The following PLEKHA6 variants were observed in gnomAD, a reference collection of about 807,000 sequenced individuals.
The protein encoded by PLEKHA6 is pleckstrin homology domain-containing family A member 6.
In PLEKHA6, 60 loss-of-function variants were observed where a neutral mutation model predicts 116.7. That is an observed-to-expected ratio of 0.51 (90% CI 0.42 to 0.64). The LOEUF (loss-of-function observed/expected upper bound fraction) is 0.64. Ranked by LOEUF, PLEKHA6 falls within the 30% of genes least tolerant of loss-of-function variation. The pLI, the probability that PLEKHA6 is intolerant of heterozygous loss-of-function variation, is 0.00. For synonymous variants in PLEKHA6, 489 were observed against 556.1 expected (o/e 0.88, Z 1.70); for missense variants, 1,338 against 1,422.7 (o/e 0.94, Z 0.96).
intron 1 of PLEKHA6, among the ~76,000 whole-genome samples, chr1:204,350,577 G>A (rs1037333213): frequency 1.3e-5 from 2 of 152,176 alleles, no homozygotes; most frequent in African/African-American, 2.4e-5. Context: ...TGGAAGGAGA[G>A]GAAGGAACCC....
upstream of PLEKHA6, among the ~76,000 whole-genome samples, chr1:204,362,804 A>T (rs920599422): frequency 6.6e-6 from 1 of 152,174 alleles, no homozygotes; most frequent in Non-Finnish European, 1.5e-5. Flanking sequence ...GCCTCAGCCT[A>T]CTGAGTTGCT....
intron 9 of PLEKHA6, among the ~76,000 whole-genome samples, chr1:204,251,304 T>G (rs975965561): frequency 1.3e-5 from 2 of 152,190 alleles, no homozygotes; most frequent in African/African-American, 2.4e-5. Flanking sequence ...CATGAGATGT[T>G]GGTGCTGGCT....
rs200151556 is a variant in PLEKHA6 at position 204,328,629 on chromosome 1, G to A, written c.-95+31065C>T. On this transcript the variant is annotated intron_variant, in intron 1 of 22. Transcript: ENST00000272203. ...TCAAACTCCCGACCTCAGGTGATCC[G>A]TCAGCCTCAGGCTCCCAAAGTGCTG... 1.9e-4 allele frequency among the ~76,000 whole-genome samples: 29 copies of A among 151,972 alleles called. No homozygotes were observed. The East Asian group carries it at 4.3e-3, about 22-fold the overall frequency.
chr1:204,245,127 T>A, intron 14 of PLEKHA6, 124 bp from the exon 15 acceptor site: 1 of 649,862 alleles, frequency 1.5e-6, no homozygotes, highest in Non-Finnish European at 2.4e-6. Context: ...GCAGATTTAG[T>A]GTCTCAGGGC....
intron 3 of PLEKHA6, among the ~76,000 whole-genome samples, chr1:204,366,595 G>T (rs1161977487): frequency 2.0e-5 from 3 of 151,810 alleles, no homozygotes; most frequent in Non-Finnish European, 4.4e-5. Flanking sequence ...ACCCCATCTT[G>T]ACCAAAAATA....
At chr1:204,350,908 C>T (rs565525888) in intron 1 of PLEKHA6, among the ~76,000 whole-genome samples, 3 of 152,328 alleles carry the variant, frequency 2.0e-5, no homozygotes, top group South Asian at 4.1e-4. Context: ...CCCAGTCCCA[C>T]GAGGGAGAGA....
intron 1 of PLEKHA6, among the ~76,000 whole-genome samples, chr1:204,304,561 G>C (rs1671110488): frequency 6.6e-6 from 1 of 152,182 alleles, no homozygotes; most frequent in African/African-American, 2.4e-5. Flanking sequence ...TCTGAAAAAG[G>C]ATAAGCTAGT....
rs1384025637 is a variant in PLEKHA6, at chr1:204,223,446, G to A, written c.*8+16C>T. On this transcript the variant is annotated intron_variant, in intron 22 of 22. Transcript: ENST00000272203. The surrounding 1 kb of genome is among the most constrained non-coding windows in gnomAD (Gnocchi z 4.8). ...CCACTCCCGAGGTGGATGAAATACA[G>A]TAGAAAAGTGCTTACGTCAGAGCTC... 3.6e-6 allele frequency: 5 copies of A among 1,371,294 alleles called. No individual in the cohort carries two copies. The highest frequency in any genetic ancestry group is 1.8e-4 in the Middle Eastern group (1 of 5,622). 84.9% of individuals were successfully genotyped at this position (1,371,294 alleles called of 1,614,324 possible).
At chr1:204,231,917 T>C (rs924939865) in intron 17 of PLEKHA6, among the ~76,000 whole-genome samples, 1 of 152,184 alleles carries the variant, frequency 6.6e-6, no homozygotes, top group Non-Finnish European at 1.5e-5. Flanking sequence ...TTTTAGTATT[T>C]TTCCCCTGAA....
At position 204,241,428 on chromosome 1, in the gene PLEKHA6, A is replaced by G. The variant is rs1662795181; in HGVS notation, c.2356T>C (p.Ser786Pro). Residue 786 changes from serine to proline, a missense_variant, in exon 17 of 23, where the codon TCA becomes CCA. This residue lies in a region of PLEKHA6 where 1,136 missense variants were observed against 1,163.6 expected (regional missense o/e 0.98). Transcript: ENST00000272203. The part of the protein sequence containing the change: ...KSPTDDEVTP[S>P]AVVRRNASGL... Reference sequence around the variant, plus strand: ...CTGGCATTCCTTCTTACCACTGCTGATGGGGTCACCTCATCATCAGTGGGC... The same window carrying G: ...CTGGCATTCCTTCTTACCACTGCTGGTGGGGTCACCTCATCATCAGTGGGC... 6.2e-7 allele frequency: 1 copy of G among 1,611,826 alleles called. No individual in the cohort carries two copies. The highest frequency in any genetic ancestry group is 1.1e-5 in the South Asian group (1 of 90,598).
At chr1:204,235,378 C>A (rs1661890051) in intron 17 of PLEKHA6, among the ~76,000 whole-genome samples, 1 of 152,070 alleles carries the variant, frequency 6.6e-6, no homozygotes, top group African/African-American at 2.4e-5. Flanking sequence ...CATAATGAAG[C>A]TGGTTGGTTG....
chr1:204,242,994 A>C (rs1663055914), intron 15 of PLEKHA6: 1 of 398,660 alleles, frequency 2.5e-6, no homozygotes, highest in Non-Finnish European at 4.4e-6. Context: ...GGTGCCGTAG[A>C]AACCGACCTT....
At chr1:204,375,667 A>G (rs541106968) in intron 1 of PLEKHA6, among the ~76,000 whole-genome samples, 21 of 152,000 alleles carry the variant, frequency 1.4e-4, no homozygotes, top group Admixed American at 1.2e-3. Flanking sequence ...CTAAACACAG[A>G]CTCGATGATG....
At chr1:204,240,260 C>CA (rs1425653855) in intron 17 of PLEKHA6, among the ~76,000 whole-genome samples, 2 of 152,212 alleles carry the variant, frequency 1.3e-5, no homozygotes, top group African/African-American at 4.8e-5. Context: ...GGCAGGACTA[C>CA]AAATGGCCCA....
chr1:204,242,681 C>T (rs548993636), intron 15 of PLEKHA6, among the ~76,000 whole-genome samples: 23 of 152,260 alleles, frequency 1.5e-4, no homozygotes, highest in African/African-American at 5.3e-4. Flanking sequence ...ACTCATGAAA[C>T]CCAACGAGGA....
intron 3 of PLEKHA6, among the ~76,000 whole-genome samples, chr1:204,270,716 C>T (rs541669513): frequency 6.6e-6 from 1 of 152,330 alleles, no homozygotes; most frequent in Admixed American, 6.5e-5. Context: ...TTTTCCAAAA[C>T]ACAAATAATC....
rs780934201 is a variant in PLEKHA6, at chr1:204,229,076, A to C, written c.2612T>G (p.Val871Gly). 8.1e-6 allele frequency: 13 copies of C among 1,613,612 alleles called. No individual in the cohort carries two copies. Among genetic ancestry groups the C allele is most frequent in the African/African-American group, 1.3e-5 (1 of 74,876 alleles). The part of the protein sequence containing the change: ...VVRRHRSIHE[V>G]DISNLEAALR... Reference sequence around the variant, plus strand: ...GGCTGCCTCCAGGTTGGAGATGTCTACCTCATGGATGCTGCGGTGGCGGCG... The same window carrying C: ...GGCTGCCTCCAGGTTGGAGATGTCTCCCTCATGGATGCTGCGGTGGCGGCG... The change falls in exon 19 of 23, where the codon GTA (valine) becomes GGA (glycine). Residue 871 changes from valine (V) to glycine (G), a missense_variant. Physicochemically the swap from Val to Gly is moderately radical, Grantham distance 109. Around this residue, in one of 3 missense-constraint regions of PLEKHA6, gnomAD observed 1,136 missense variants for 1,163.6 expected, o/e 0.98. Coordinates refer to ENST00000272203, the MANE Select transcript of PLEKHA6 (RefSeq NM_014935.5).
chr1:204,326,891 T>G (rs1672260552), intron 1 of PLEKHA6: 1 of 685,276 alleles, frequency 1.5e-6, no homozygotes, highest in South Asian at 6.5e-5. Context: ...CCTTCCTATA[T>G]GATCCAAATA....
chr1:204,265,116 G>T, intron 5 of PLEKHA6, 74 bp from the exon 6 acceptor site: 1 of 1,013,574 alleles, frequency 9.9e-7, no homozygotes, highest in Non-Finnish European at 1.6e-6. Flanking sequence ...GGGTGGGGAG[G>T]AGTGTGTTGT....
Sources: gnomAD v4.1 joint callset for allele counts (sites outside exome capture counted in the v4.1 genomes callset) on GRCh38, gnomAD v4.1.1 for gene constraint, gnomAD v4.1.1 regional missense constraint, Gnocchi (gnomAD v3.1) non-coding constraint, MANE v1.5 for transcripts, NCBI Gene and HGNC (gene_info 2026-07-23, HGNC 2026-07-21) for gene names.